The following ACAD9 variants were observed in gnomAD, a reference collection of about 807,000 sequenced individuals.
The protein encoded by ACAD9 is complex I assembly factor ACAD9, mitochondrial.
ACAD9 carries 53 observed loss-of-function variants against 70.2 expected under a neutral mutation model. The ratio of observed to expected loss-of-function variants is 0.75; its 90% confidence interval spans 0.61 to 0.95. The LOEUF (loss-of-function observed/expected upper bound fraction) is 0.95. Ranked by LOEUF, ACAD9 falls within the 40% of genes least tolerant of loss-of-function variation. The pLI is 0.00. For synonymous variants in ACAD9, 313 were observed against 312.1 expected (o/e 1.00, Z -0.03); for missense variants, 777 against 802.8 (o/e 0.97, Z 0.39).
intron 2 of ACAD9, among the ~76,000 whole-genome samples, chr3:128,887,127 G>C (rs2107643398): frequency 6.6e-6 from 1 of 152,192 alleles, no homozygotes; most frequent in Middle Eastern, 3.4e-3. Flanking sequence ...GTTTCACCAT[G>C]TTGGCCAGGC....
intron 12 of ACAD9, among the ~76,000 whole-genome samples, chr3:128,907,365 G>A (rs1369612933): frequency 6.6e-6 from 1 of 152,152 alleles, no homozygotes; most frequent in African/African-American, 2.4e-5. Flanking sequence ...TTCTCCAAAG[G>A]CCCTTCCCTT....
intron 15 of ACAD9, 115 bp from the exon 16 acceptor site, chr3:128,909,906 C>T (rs1936074095): frequency 3.4e-6 from 5 of 1,450,316 alleles, no homozygotes; most frequent in Non-Finnish European, 4.8e-6. Context: ...GTTATTGACT[C>T]CACTTTCTCA....
rs543123347 is a variant in ACAD9 at position 128,891,322 on chromosome 3, A to G, written c.245-2233A>G. Among the ~76,000 whole-genome samples the G allele has an allele frequency of 4.6e-5, 7 of 151,972 alleles. No homozygotes were observed. In the South Asian group the frequency reaches 1.5e-3, roughly 32 times the overall value. On this transcript the variant is annotated intron_variant, in intron 2 of 17. Coordinates refer to ENST00000308982, the MANE Select transcript of ACAD9 (RefSeq NM_014049.5). ...AGGGGATGCATATTCTCACTTTTGT[A>G]TGTCTAGAAAAGTTTCAGCCAGGCA...
chr3:128,887,497 C>G (rs1382539222), intron 2 of ACAD9, among the ~76,000 whole-genome samples: 4 of 151,524 alleles, frequency 2.6e-5, no homozygotes, highest in Non-Finnish European at 5.9e-5. Context: ...GTCCCAGCTA[C>G]TTGGGAGTCT....
chr3:128,889,544 C>T (rs1935356470), intron 2 of ACAD9, among the ~76,000 whole-genome samples: 1 of 151,766 alleles, frequency 6.6e-6, no homozygotes, highest in African/African-American at 2.4e-5. Context: ...TATTTCCCCC[C>T]TGTTTCCAGG....
chr3:128,908,689 A>G (rs1935988779), intron 13 of ACAD9: 2 of 554,338 alleles, frequency 3.6e-6, no homozygotes, highest in Non-Finnish European at 6.5e-6. Context: ...GCTGGAGGCC[A>G]AGTACAGGTT....
At position 128,910,254 on chromosome 3, in the gene ACAD9, C is replaced by A. The variant is rs759323292; in HGVS notation, c.1692+105C>A. ...AGGGTGTGGTCGGGTGTGGGGGAGG[C>A]TGTGCAGGTTCACCATGCGGTGGCC... On this transcript the variant is annotated intron_variant, in intron 16 of 17. Transcript: ENST00000308982. The A allele has an allele frequency of 2.6e-6, 4 of 1,566,556 alleles. No individual in the cohort carries two copies. The African/African-American group carries it at 4.0e-5, about 16-fold the overall frequency.
At chr3:128,909,887 GAGA>G in intron 15 of ACAD9, 131 bp from the exon 16 acceptor site, 1 of 1,267,578 alleles carries the variant, frequency 7.9e-7, no homozygotes, top group Non-Finnish European at 1.1e-6. Context: ...ACAACCTGAA[GAGA>G]AAGGTGTTAT....
rs760500708 is a variant in ACAD9 at position 128,912,611 on chromosome 3, AGGGGAC to A, written c.*5_*10del. 4 of 1,613,084 alleles carry A rather than the reference AGGGGAC, an allele frequency of 2.5e-6. No homozygotes were observed. The highest frequency in any genetic ancestry group is 3.4e-6 in the Non-Finnish European group (4 of 1,179,148). On this transcript the variant is annotated 3_prime_UTR_variant, in exon 18 of 18. Coordinates refer to ENST00000308982, the MANE Select transcript of ACAD9 (RefSeq NM_014049.5). ...CCCTCTGGACAGGACATGCTGAGGCAGGGGACAGTGTCCCCTGCTACCGCCCGCCCC... is the reference window on the plus strand; with the variant it reads ...CCCTCTGGACAGGACATGCTGAGGCAAGTGTCCCCTGCTACCGCCCGCCCC...
intron 2 of ACAD9, among the ~76,000 whole-genome samples, chr3:128,889,710 C>G (rs1935362100): frequency 6.6e-6 from 1 of 152,192 alleles, no homozygotes; most frequent in Non-Finnish European, 1.5e-5. Flanking sequence ...AGTCATATTT[C>G]TTTCTATGGA....
At chr3:128,895,669 C>T (rs1935550146) in intron 4 of ACAD9, among the ~76,000 whole-genome samples, 1 of 152,170 alleles carries the variant, frequency 6.6e-6, no homozygotes, top group Non-Finnish European at 1.5e-5. Flanking sequence ...TCTGATCCAC[C>T]CTTCAAGGCC....
At chr3:128,900,641 G>T (rs142564404) in intron 7 of ACAD9, among the ~76,000 whole-genome samples, 2,759 of 151,996 alleles carry the variant, frequency 0.018, 87 homozygotes, top group African/African-American at 0.063. Context: ...GGGATTATAG[G>T]CATGAGCCAC....
chr3:128,902,531 G>A lies in ACAD9; in HGVS notation c.883-22G>A. The A allele has an allele frequency of 6.2e-7, 1 of 1,613,996 alleles. No individual in the cohort carries two copies. Among genetic ancestry groups the A allele is most frequent in the Non-Finnish European group, 8.5e-7 (1 of 1,179,876 alleles). On this transcript the variant is annotated intron_variant, in intron 8 of 17. Transcript: ENST00000308982. This position sits in a 1 kb window ranked among gnomAD's most constrained non-coding sequence, Gnocchi z 4.0. ...CCTCTGCCTCCTTCAGGGCCCCTGG[G>A]CTCTCCCTGTTCTCCCTGCAGGTGG...
At position 128,912,618 on chromosome 3, in the gene ACAD9, A is replaced by G. The variant is rs753666129; in HGVS notation, c.*11A>G. 2 of 1,610,908 alleles carry G rather than the reference A, an allele frequency of 1.2e-6. No individual in the cohort carries two copies. Among genetic ancestry groups the G allele is most frequent in the African/African-American group, 1.3e-5 (1 of 74,874 alleles). On this transcript the variant is annotated 3_prime_UTR_variant, in exon 18 of 18. Coordinates refer to ENST00000308982, the MANE Select transcript of ACAD9 (RefSeq NM_014049.5). ...GACAGGACATGCTGAGGCAGGGGAC[A>G]GTGTCCCCTGCTACCGCCCGCCCCT...
Position 128,906,116 on chromosome 3 carries a change from C to T in ACAD9, c.1150-5C>T, listed in dbSNP as rs1389811503. 5.0e-6 allele frequency: 8 copies of T among 1,614,186 alleles called. No individual in the cohort carries two copies. In the East Asian group the frequency reaches 1.3e-4, roughly 27 times the overall value. On this transcript the variant is annotated splice_polypyrimidine_tract_variant and splice_region_variant and intron_variant, in intron 11 of 17. Transcript: ENST00000308982. ...TTGGAAAGGATTCAGTGTGACACCC[C>T]ACAGGTGTTCAGCTCCGAGGCCGCC...
In ACAD9 at chr3:128,913,080, AAAG is replaced by A. The variant is rs1936527232; in HGVS notation, c.*476_*478del. 2.2e-6 allele frequency: 1 copy of A among 453,474 alleles called. No individual in the cohort carries two copies. The highest frequency in any genetic ancestry group is 4.4e-6 in the Non-Finnish European group (1 of 225,886). The allele number at this position is 453,474 out of a possible 1,614,324, so 28.1% of individuals were successfully genotyped here. ...AAACATGTACCAGGAACCATTTAAC[AAAG>A]AATATAAAATGTCACAATCTGTGTA... On this transcript the variant is annotated 3_prime_UTR_variant, in exon 18 of 18. Transcript: ENST00000308982.
At position 128,910,076 on chromosome 3, in the gene ACAD9, T is replaced by G; in HGVS notation, c.1619T>G (p.Leu540Arg). 1 of 1,614,026 alleles carries G rather than the reference T, an allele frequency of 6.2e-7. No individual in the cohort carries two copies. The highest frequency in any genetic ancestry group is 1.7e-5 in the Admixed American group (1 of 60,006). The part of the protein sequence containing the change: ...LKRVANILIN[L>R]YGMTAVLSRA... ...CGGGTGGCCAACATCCTCATCAACCTGTATGGCATGACGGCCGTGCTGTCG... is the reference window on the plus strand; with the variant it reads ...CGGGTGGCCAACATCCTCATCAACCGGTATGGCATGACGGCCGTGCTGTCG... The change falls in exon 16 of 18, where the codon CTG becomes CGG. Residue 540 changes from leucine to arginine, a missense_variant. Transcript: ENST00000308982.
chr3:128,891,257 G>A (rs1171300858), intron 2 of ACAD9, among the ~76,000 whole-genome samples: 1 of 152,112 alleles, frequency 6.6e-6, no homozygotes, highest in East Asian at 1.9e-4. Flanking sequence ...CTCTTCTGTG[G>A]GAAGGACTTC....
intron 15 of ACAD9, 94 bp downstream of exon 15, chr3:128,909,515 G>T: frequency 7.5e-7 from 1 of 1,327,692 alleles, no homozygotes; most frequent in African/African-American, 1.4e-5. Context: ...TTTGGGACCA[G>T]GCCTAGAACA....
Sources: gnomAD v4.1 joint callset for allele counts (sites outside exome capture counted in the v4.1 genomes callset) on GRCh38, gnomAD v4.1.1 for gene constraint, Gnocchi (gnomAD v3.1) non-coding constraint, MANE v1.5 for transcripts, NCBI Gene and HGNC (gene_info 2026-07-23, HGNC 2026-07-21) for gene names.